Variants in FAM3A observed in about 807,000 individuals in gnomAD.
FAM3A encodes FAM3 metabolism regulating signaling molecule A, also known as protein FAM3A.
FAM3A carries 5 observed loss-of-function variants against 18.1 expected under a neutral mutation model. The observed-to-expected ratio is 0.28, with a 90% CI of 0.14 to 0.58. The LOEUF (loss-of-function observed/expected upper bound fraction) is 0.58. FAM3A is among the 20% of genes least tolerant of loss of function. The pLI, the probability that FAM3A is intolerant of heterozygous loss-of-function variation, is 0.91. For synonymous variants in FAM3A, 108 were observed against 90.2 expected, an observed-to-expected ratio of 1.20 and a Z score of -1.12; for missense variants, 154 against 216.6, an observed-to-expected ratio of 0.71 and a Z score of 1.81.
Position 154,506,579 on chromosome X carries a change from G to A in FAM3A, c.*232C>T. The A allele has an allele frequency of 4.8e-6, 2 of 415,864 alleles. No homozygotes were observed. The highest frequency in any genetic ancestry group is 8.2e-5 in the Admixed American group (2 of 24,302). The allele number at this position is 415,864 out of a possible 1,213,427, so 34.3% of individuals were successfully genotyped here. A position where few individuals can be genotyped will look rare whatever the true frequency, so the allele number is the denominator to read the frequency against. ...GGGGGAACAGTGTTACGAAAAGGAG[G>A]CGGGTACCCTGGGCTCCCGTGACAA... On this transcript the variant is annotated 3_prime_UTR_variant, in exon 9 of 9. Coordinates refer to ENST00000447601, the MANE Select transcript of FAM3A (RefSeq NM_021806.4).
At chrX:154,514,847 C>CCTGTAGTGTGTTTTTAGATGA in intron 1 of FAM3A, among the ~76,000 whole-genome samples, 1 of 111,744 alleles carries the variant, frequency 8.9e-6, no homozygotes, top group Non-Finnish European at 1.9e-5. Flanking sequence ...CTGCGCCCAG[C>CCTGTAGTGTGTTTTTAGATGA]TGTCTTTACT....
rs1306713754 is a variant in FAM3A at position 154,507,040 on chromosome X, C to T, written c.598-134G>A. On this transcript the variant is annotated intron_variant, in intron 8 of 8. Transcript: ENST00000447601. ...ACTCTCAGGGCACTTGGCCCCTCCA[C>T]CCATCCCAGGGAAACATGGCATCAG... The T allele has an allele frequency of 6.6e-6, 6 of 907,086 alleles. No individual in the cohort carries two copies. In the African/African-American group the frequency reaches 7.8e-5, roughly 12 times the overall value. The allele number at this position is 907,086 out of a possible 1,213,427, so 74.8% of individuals were successfully genotyped here.
chrX:154,508,454 A>G lies in FAM3A; in HGVS notation c.275+20T>C. The G allele has an allele frequency of 1.7e-6, 2 of 1,197,733 alleles. No homozygotes were observed. Among genetic ancestry groups the G allele is most frequent in the East Asian group, 3.0e-5 (1 of 33,534 alleles). On this transcript the variant is annotated intron_variant, in intron 4 of 8. Coordinates refer to ENST00000447601, the MANE Select transcript of FAM3A (RefSeq NM_021806.4). ...ATCCCCCACTCCCTCCCTGATCCCCAGTCACCCCAGGGAGCTCACATCTTG... is the reference window on the plus strand; with the variant it reads ...ATCCCCCACTCCCTCCCTGATCCCCGGTCACCCCAGGGAGCTCACATCTTG...
chrX:154,508,360 G>T lies in FAM3A; in HGVS notation c.276-13C>A, dbSNP rs782122362. 1.8e-5 allele frequency: 7 copies of T among 391,247 alleles called. No individual in the cohort carries two copies. Among genetic ancestry groups the T allele is most frequent in the South Asian group, 3.0e-5 (1 of 33,074 alleles). The allele number at this position is 391,247 out of a possible 1,213,427, so 32.2% of individuals were successfully genotyped here. Reference sequence around the variant, plus strand: ...GCTGCTCATCAGCCTAGTTGGGGGGGGGTGGGGGGGACGGGGAGATCCCAC... The same window carrying T: ...GCTGCTCATCAGCCTAGTTGGGGGGTGGTGGGGGGGACGGGGAGATCCCAC... On this transcript the variant is annotated splice_polypyrimidine_tract_variant and intron_variant, in intron 4 of 8. Coordinates refer to ENST00000447601, the MANE Select transcript of FAM3A (RefSeq NM_021806.4).
At chrX:154,513,907 T>G (rs1186231497) in intron 1 of FAM3A, among the ~76,000 whole-genome samples, 1 of 110,549 alleles carries the variant, frequency 9.0e-6, no homozygotes, top group Non-Finnish European at 1.9e-5. Flanking sequence ...TCATCTCACC[T>G]CCTACTCCCT....
chrX:154,508,919 G>A (rs1438326058), intron 3 of FAM3A: 1 of 354,587 alleles, frequency 2.8e-6, no homozygotes, highest in East Asian at 6.5e-5. Flanking sequence ...GCATGGATGA[G>A]GCCAACCTGA....
intron 3 of FAM3A, chrX:154,509,019 A>G: frequency 3.8e-6 from 1 of 265,868 alleles, no homozygotes. Context: ...CTGGAGCAGG[A>G]TGGCTTCTAT....
chrX:154,515,950 A>C lies in FAM3A; in HGVS notation c.-178T>G. 2.1e-6 allele frequency: 1 copy of C among 467,265 alleles called. No homozygotes were observed. Among genetic ancestry groups the C allele is most frequent in the Non-Finnish European group, 3.7e-6 (1 of 270,721 alleles). The allele number at this position is 467,265 out of a possible 1,213,427, so 38.5% of individuals were successfully genotyped here. On this transcript the variant is annotated 5_prime_UTR_variant, in exon 1 of 9. Coordinates refer to ENST00000447601, the MANE Select transcript of FAM3A (RefSeq NM_021806.4). ...CCCGGCCAGGCAGGGCTCCTCGGAA[A>C]CGCGCGGGGAAACCCTGCCTGGCCA...
intron 4 of FAM3A, 50 bp downstream of exon 4, chrX:154,508,424 C>G (rs1193089092): frequency 1.3e-5 from 15 of 1,188,055 alleles, no homozygotes; most frequent in Non-Finnish European, 1.7e-5. Context: ...CAGACCCGGC[C>G]CTGGATCCCC....
chrX:154,507,041 C>T, intron 8 of FAM3A, 135 bp from the exon 9 acceptor site: 5 of 909,188 alleles, frequency 5.5e-6, no homozygotes, highest in Non-Finnish European at 7.7e-6. Context: ...GCCCCTCCAC[C>T]CATCCCAGGG....
chrX:154,515,720 C>G (rs187461328), intron 1 of FAM3A, 40 bp downstream of exon 1: 13,288 of 1,201,891 alleles, frequency 0.011, 83 homozygotes, highest in Non-Finnish European at 0.012. Flanking sequence ...AGCCAGGTGC[C>G]CTTTTCAACT....
At chrX:154,512,242 T>C (rs781796413) in intron 2 of FAM3A, 2 of 27,989 alleles carry the variant, frequency 7.1e-5, no homozygotes, top group South Asian at 7.3e-4. Flanking sequence ...ATAATAATAA[T>C]AATAATAATA....
intron 3 of FAM3A, chrX:154,509,165 G>A: frequency 5.0e-6 from 1 of 198,533 alleles, no homozygotes; most frequent in South Asian, 7.6e-5. Context: ...AATGCAACAT[G>A]ACTGATGTCC....
chrX:154,506,618 TA>T lies in FAM3A; in HGVS notation c.*192del. 1 of 436,083 alleles carries T rather than the reference TA, an allele frequency of 2.3e-6. No individual in the cohort carries two copies. Among genetic ancestry groups the T allele is most frequent in the Non-Finnish European group, 4.0e-6 (1 of 248,828 alleles). 35.9% of individuals were successfully genotyped at this position (436,083 alleles called of 1,213,427 possible). A position where few individuals can be genotyped will look rare whatever the true frequency, so the allele number is the denominator to read the frequency against. ...CTCCCGTGACAAAGTGCGGCAGGGC[TA>T]CCCCCTGCAGCCCCCATAGCCCCCA... is the stretch of plus-strand genomic sequence containing the variant. On this transcript the variant is annotated 3_prime_UTR_variant, in exon 9 of 9. Transcript: ENST00000447601.
intron 1 of FAM3A, among the ~76,000 whole-genome samples, chrX:154,514,299 A>T (rs1230238779): frequency 9.0e-6 from 1 of 111,092 alleles, no homozygotes; most frequent in Non-Finnish European, 1.9e-5. Flanking sequence ...GCTGGAGTGC[A>T]ATGGCGCGAT....
intron 1 of FAM3A, among the ~76,000 whole-genome samples, chrX:154,513,486 C>T (rs782548008): frequency 1.4e-4 from 16 of 110,812 alleles, no homozygotes; most frequent in Non-Finnish European, 2.8e-4. Flanking sequence ...AAAAATTAGC[C>T]GGGCATGGTG....
chrX:154,515,609 G>A, intron 1 of FAM3A, 151 bp downstream of exon 1: 1 of 630,479 alleles, frequency 1.6e-6, no homozygotes, highest in Non-Finnish European at 2.7e-6. Flanking sequence ...TTTGGTTAAG[G>A]TCAAGGAACG....
At chrX:154,507,727 C>T in intron 6 of FAM3A, 84 bp downstream of exon 6, 1 of 979,677 alleles carries the variant, frequency 1.0e-6, no homozygotes, top group Non-Finnish European at 1.4e-6. Context: ...GCTCCAAGTA[C>T]AGACAGAGAG....
intron 2 of FAM3A, 131 bp from the exon 3 acceptor site, chrX:154,512,002 G>T: frequency 1.9e-6 from 1 of 524,591 alleles, no homozygotes. Context: ...AAGCCAGGCC[G>T]ACCTTGGCAT....
Sources: allele counts gnomAD v4.1 joint callset (sites outside exome capture counted in the v4.1 genomes callset), GRCh38; gene constraint gnomAD v4.1.1; transcripts MANE v1.5; gene names NCBI Gene and HGNC (gene_info 2026-07-23, HGNC 2026-07-21).